MEGF11: variants seen among roughly 807,000 people sequenced by gnomAD.
MEGF11 encodes the protein multiple epidermal growth factor-like domains protein 11.
In MEGF11, 126 loss-of-function variants were observed where a neutral mutation model predicts 146.6. That is an observed-to-expected ratio of 0.86 (90% CI 0.74 to 1.00). The LOEUF (loss-of-function observed/expected upper bound fraction) is 1.00. Ranked by LOEUF, MEGF11 falls within the 50% of genes least tolerant of loss-of-function variation. The pLI is 0.00. For missense variants in MEGF11, 1,509 were observed against 1,521.2 expected, an observed-to-expected ratio of 0.99 and a Z score of 0.13; for synonymous variants, 532 against 583.4, an observed-to-expected ratio of 0.91 and a Z score of 1.27.
At chr15:66,114,785 T>A (rs567168390) in intron 4 of MEGF11, among the ~76,000 whole-genome samples, 1 of 125,048 alleles carries the variant, frequency 8.0e-6, no homozygotes, top group South Asian at 2.9e-4. Context: ...TGGGCAGGGG[T>A]GGGTGGGAAC....
At chr15:66,140,956 A>T (rs1415736550) in intron 1 of MEGF11, among the ~76,000 whole-genome samples, 1 of 151,976 alleles carries the variant, frequency 6.6e-6, no homozygotes, top group African/African-American at 2.4e-5. Context: ...ACTCGGTTGA[A>T]CATTGAGTGT....
chr15:66,165,596 G>A (rs527730622), intron 1 of MEGF11, among the ~76,000 whole-genome samples: 1 of 152,136 alleles, frequency 6.6e-6, no homozygotes, highest in Admixed American at 6.5e-5. Context: ...TGATCCCTGG[G>A]GAGCCCCTTT....
chr15:66,096,194 G>A (rs549235286), intron 4 of MEGF11, among the ~76,000 whole-genome samples: 8 of 152,306 alleles, frequency 5.3e-5, no homozygotes, highest in African/African-American at 1.9e-4. Flanking sequence ...CCACAGCTGG[G>A]CTCATCCGTG....
chr15:66,219,099 T>C (rs2091666644), intron 1 of MEGF11, among the ~76,000 whole-genome samples: 2 of 151,800 alleles, frequency 1.3e-5, no homozygotes, highest in Admixed American at 1.3e-4. Flanking sequence ...ATGGACGGTC[T>C]TAAATGTAAC....
chr15:66,106,773 C>T (rs531261565), intron 4 of MEGF11, among the ~76,000 whole-genome samples: 1 of 152,332 alleles, frequency 6.6e-6, no homozygotes, highest in South Asian at 2.1e-4. Flanking sequence ...GACATCAGAG[C>T]AGATATGCCC....
intron 1 of MEGF11, among the ~76,000 whole-genome samples, chr15:66,181,705 C>T (rs1454260192): frequency 6.6e-6 from 1 of 152,152 alleles, no homozygotes; most frequent in Non-Finnish European, 1.5e-5. Flanking sequence ...TACAGACCAC[C>T]CTTGGGAACC....
intron 6 of MEGF11, 133 bp from the exon 7 acceptor site, chr15:65,981,031 A>G (rs1429838070): frequency 1.4e-5 from 16 of 1,181,820 alleles, no homozygotes; most frequent in Non-Finnish European, 1.8e-5. Context: ...GCTGAACTGC[A>G]GTCCTGCTCC....
chr15:66,251,856 G>A (rs1278068071), intron 1 of MEGF11, among the ~76,000 whole-genome samples: 4 of 152,200 alleles, frequency 2.6e-5, no homozygotes, highest in Non-Finnish European at 5.9e-5. Flanking sequence ...ATTTCTAGCG[G>A]CTTAAACAAA....
At chr15:66,191,928 A>G (rs1042051038) in intron 1 of MEGF11, among the ~76,000 whole-genome samples, 1 of 151,736 alleles carries the variant, frequency 6.6e-6, no homozygotes, top group Non-Finnish European at 1.5e-5. Flanking sequence ...ACAAAAAAAA[A>G]TTAGCTGGGC....
intron 5 of MEGF11, among the ~76,000 whole-genome samples, chr15:66,043,024 C>T (rs188263291): frequency 5.3e-4 from 81 of 152,320 alleles, no homozygotes; most frequent in Non-Finnish European, 8.8e-4. Context: ...TCAATCCTTC[C>T]GAATCAGGGA....
rs2078350016 is a variant in MEGF11 at position 65,895,847 on chromosome 15, A to C, written c.*2087T>G. 1 of 152,262 alleles carries C rather than the reference A, an allele frequency of 6.6e-6. No individual in the cohort carries two copies. Among genetic ancestry groups the C allele is most frequent in the African/African-American group, 2.4e-5 (1 of 41,474 alleles). 9.4% of individuals were successfully genotyped at this position (152,262 alleles called of 1,614,324 possible). A position where few individuals can be genotyped will look rare whatever the true frequency, so the allele number is the denominator to read the frequency against. On this transcript the variant is annotated 3_prime_UTR_variant, in exon 26 of 26. Transcript: ENST00000395614. ...CAGAGAGGGCGACTAACTTGACCAG[A>C]GTAACACTGAAATCTCTTGATTCAG...
intron 4 of MEGF11, among the ~76,000 whole-genome samples, chr15:66,108,909 G>A (rs2140840495): frequency 1.3e-5 from 2 of 152,364 alleles, no homozygotes; most frequent in Non-Finnish European, 2.9e-5. Flanking sequence ...AACCCAGGAA[G>A]AGAGCTTACA....
chr15:66,082,336 G>A (rs1047709245), intron 5 of MEGF11, among the ~76,000 whole-genome samples: 1 of 140,050 alleles, frequency 7.1e-6, no homozygotes, highest in African/African-American at 2.7e-5. Flanking sequence ...GCCTGTAATT[G>A]CAACACTTGG....
intron 5 of MEGF11, among the ~76,000 whole-genome samples, chr15:66,076,202 CAGGATGGA>C (rs2085572338): frequency 8.1e-6 from 1 of 122,800 alleles, no homozygotes; most frequent in African/African-American, 3.2e-5. Flanking sequence ...GACTGACAGA[CAGGATGGA>C]TGGATGGATG....
At chr15:66,194,010 G>A (rs991850759) in intron 1 of MEGF11, among the ~76,000 whole-genome samples, 8 of 152,060 alleles carry the variant, frequency 5.3e-5, no homozygotes, top group African/African-American at 1.4e-4. Context: ...TATCTATCCA[G>A]AGGAAAAGAA....
intron 5 of MEGF11, among the ~76,000 whole-genome samples, chr15:65,989,060 T>C (rs1477936642): frequency 3.3e-5 from 5 of 152,320 alleles, no homozygotes; most frequent in Middle Eastern, 3.4e-3. Context: ...CCATGGCCAT[T>C]CCAAATGAAT....
chr15:66,116,268 G>A (rs1397873668), intron 4 of MEGF11, among the ~76,000 whole-genome samples: 3 of 152,188 alleles, frequency 2.0e-5, no homozygotes, highest in Non-Finnish European at 4.4e-5. Context: ...GTTATGGAAT[G>A]ATTTTACTGA....
intron 1 of MEGF11, among the ~76,000 whole-genome samples, chr15:66,189,199 TG>T (rs1305477116): frequency 6.6e-6 from 1 of 152,150 alleles, no homozygotes; most frequent in Non-Finnish European, 1.5e-5. Context: ...CAGTCACTTG[TG>T]TTCTGCGGAG....
chr15:65,899,984 C>G (rs2078454274), intron 24 of MEGF11, among the ~76,000 whole-genome samples: 2 of 152,098 alleles, frequency 1.3e-5, no homozygotes, highest in Non-Finnish European at 2.9e-5. Flanking sequence ...AAAGGGGATT[C>G]CCTCTTTCAG....
Sources: gnomAD v4.1 joint callset for allele counts (sites outside exome capture counted in the v4.1 genomes callset) on GRCh38, gnomAD v4.1.1 for gene constraint, MANE v1.5 for transcripts, NCBI Gene and HGNC (gene_info 2026-07-23, HGNC 2026-07-21) for gene names.